ADNP2: variants seen among roughly 807,000 people sequenced by gnomAD.
The protein encoded by ADNP2 is activity-dependent neuroprotector homeobox protein 2.
A neutral mutation model predicts 16.4 loss-of-function variants in ADNP2; 8 were observed. The ratio of observed to expected loss-of-function variants is 0.49; its 90% CI spans 0.29 to 0.88. The LOEUF (loss-of-function observed/expected upper bound fraction) is 0.88. Among genes scored for constraint, ADNP2 ranks in the 40% least tolerant of loss-of-function variants. The pLI is 0.09. For synonymous variants in ADNP2, 637 were observed against 545.8 expected, an observed-to-expected ratio of 1.17 and a Z score of -2.33; for missense variants, 1,397 against 1,395.1, an observed-to-expected ratio of 1.00 and a Z score of -0.02.
Position 80,135,984 on chromosome 18 carries a change from A to G in ADNP2, c.571A>G (p.Thr191Ala), listed in dbSNP as rs367684729. 14 of 1,614,148 alleles carry G rather than the reference A, an allele frequency of 8.7e-6. No homozygotes were observed. Among genetic ancestry groups the G allele is most frequent in the Non-Finnish European group, 1.1e-5 (13 of 1,180,056 alleles). Residue 191 changes from threonine (T) to alanine (A), a missense_variant, in exon 4 of 4, where the codon ACT becomes GCT. By Grantham distance (58) the Thr-to-Ala change is moderately conservative (BLOSUM62 0). This residue lies in a region of ADNP2 where 777 missense variants were observed against 719.4 expected (regional missense o/e 1.08). Transcript: ENST00000262198. Reference sequence around the variant, plus strand: ...AATTAACTCCTACTTTGGCCTAAGAACTGAGGAAATGGGTGAGCAACCGAA... The same window carrying G: ...AATTAACTCCTACTTTGGCCTAAGAGCTGAGGAAATGGGTGAGCAACCGAA... Reference protein sequence around the residue: ...YLINSYFGLRTEEMGEQPKTN... With the variant: ...YLINSYFGLRAEEMGEQPKTN...
Position 80,135,872 on chromosome 18 carries a change from A to T in ADNP2, c.459A>T (p.Ile153=). 3 of 1,614,252 alleles carry T rather than the reference A, an allele frequency of 1.9e-6. No individual in the cohort carries two copies. The South Asian group carries it at 3.3e-5, about 18-fold the overall frequency. Residue 153 remains isoleucine, a synonymous_variant, in exon 4 of 4, where the codon ATA becomes ATT. Transcript: ENST00000262198. ...GETKSSRSDV[I]SFTCLKCNFS... is the part of the protein sequence containing the mutation. ...CTAAATCATCTAGGAGCGATGTGAT[A>T]AGTTTCACATGTCTAAAATGTAACT...
At chr18:80,124,843 G>A (rs902271382) in intron 2 of ADNP2, among the ~76,000 whole-genome samples, 6 of 152,084 alleles carry the variant, frequency 3.9e-5, no homozygotes, top group African/African-American at 1.4e-4. Context: ...AATGGTTTAT[G>A]CGTGAGTCTT....
Position 80,139,732 on chromosome 18 carries a change from C to T in ADNP2, c.*923C>T, listed in dbSNP as rs2052568768. ...GATACTCAGGAATAAGATTATTGCC[C>T]CTGAGTGTGAAAACTAACTTAAATT... On this transcript the variant is annotated 3_prime_UTR_variant, in exon 4 of 4. Transcript: ENST00000262198. The T allele has an allele frequency of 1.3e-5, 2 of 152,268 alleles. No homozygotes were observed. 9.4% of individuals were successfully genotyped at this position (152,268 alleles called of 1,614,324 possible).
Position 80,138,331 on chromosome 18 carries a change from G to A in ADNP2, c.2918G>A (p.Ser973Asn), listed in dbSNP as rs2052557039. 1.9e-6 allele frequency: 3 copies of A among 1,613,996 alleles called. No individual in the cohort carries two copies. Among genetic ancestry groups the A allele is most frequent in the Non-Finnish European group, 2.5e-6 (3 of 1,180,046 alleles). Reference sequence around the variant, plus strand: ...AGTGGTGAAGTGATGCATGATTCCAGTTTTTCTGTTAAGAGAAAGCTGCCT... The same window carrying A: ...AGTGGTGAAGTGATGCATGATTCCAATTTTTCTGTTAAGAGAAAGCTGCCT... ...LVSGEVMHDSSFSVKRKLPDG... is the reference protein window; with the variant it reads ...LVSGEVMHDSNFSVKRKLPDG... Residue 973 changes from serine to asparagine, a missense_variant, in exon 4 of 4, where the codon AGT becomes AAT. This residue lies in a region of ADNP2 where 611 missense variants were observed against 648.7 expected (regional missense o/e 0.94). Coordinates refer to ENST00000262198, the MANE Select transcript of ADNP2 (RefSeq NM_014913.4).
chr18:80,130,186 C>G (rs2052487172), intron 2 of ADNP2, among the ~76,000 whole-genome samples: 1 of 152,170 alleles, frequency 6.6e-6, no homozygotes, highest in South Asian at 2.1e-4. Context: ...GTGCTTTTGT[C>G]ATGACCCCTC....
rs1437152279 is a variant in ADNP2, at chr18:80,135,666, C to T, written c.253C>T (p.Leu85Phe). Residue 85 changes from leucine (L) to phenylalanine (F), a missense_variant, in exon 4 of 4, where the codon CTT becomes TTT. By Grantham distance (22) the Leu-to-Phe change is conservative. Transcript: ENST00000262198. ...CGLCKYSTKV[L>F]TSFKNHLHRY... ...CCTCTGTAAATACTCTACAAAGGTG[C>T]TTACTTCATTCAAGAATCATTTACA... is the stretch of plus-strand genomic sequence containing the variant. The T allele has an allele frequency of 6.2e-6, 10 of 1,614,066 alleles. No homozygotes were observed. The highest frequency in any genetic ancestry group is 8.5e-6 in the Non-Finnish European group (10 of 1,180,034).
At chr18:80,120,340 T>C (rs948006580) in intron 2 of ADNP2, among the ~76,000 whole-genome samples, 11 of 151,418 alleles carry the variant, frequency 7.3e-5, no homozygotes, top group African/African-American at 2.2e-4. Flanking sequence ...TTTTCTTTTT[T>C]TTTTTTTTTG....
Position 80,136,894 on chromosome 18 carries a change from C to T in ADNP2, c.1481C>T (p.Pro494Leu), listed in dbSNP as rs745663476. Residue 494 changes from proline to leucine, a missense_variant, in exon 4 of 4, where the codon CCG becomes CTG. Physicochemically the swap from Pro to Leu is moderately conservative, Grantham distance 98. Around this residue, in one of 3 missense-constraint regions of ADNP2, gnomAD observed 777 missense variants for 719.4 expected, o/e 1.08. Coordinates refer to ENST00000262198, the MANE Select transcript of ADNP2 (RefSeq NM_014913.4). The part of the protein sequence containing the change: ...SGVLPVGQTA[P>L]SRVLPPGQTA... ...GTTCTCCCTGTGGGCCAGACAGCTC[C>T]GTCACGGGTTCTTCCCCCAGGCCAG... is the stretch of plus-strand genomic sequence containing the variant. 3.7e-5 allele frequency: 59 copies of T among 1,613,874 alleles called. No homozygotes were observed. Among genetic ancestry groups the T allele is most frequent in the South Asian group, 1.1e-4 (10 of 91,070 alleles).
chr18:80,129,627 A>T (rs1310456344), intron 2 of ADNP2, among the ~76,000 whole-genome samples: 1 of 151,124 alleles, frequency 6.6e-6, no homozygotes, highest in Non-Finnish European at 1.5e-5. Flanking sequence ...TTCTACTGAA[A>T]GGCCCAGTTG....
chr18:80,134,694 C>A (rs1443160298), intron 3 of ADNP2, among the ~76,000 whole-genome samples: 1 of 152,106 alleles, frequency 6.6e-6, no homozygotes, highest in Non-Finnish European at 1.5e-5. Flanking sequence ...TATGAATATG[C>A]TTTTAGGCCG....
chr18:80,131,649 T>C (rs1443554685), intron 2 of ADNP2, among the ~76,000 whole-genome samples: 3 of 151,966 alleles, frequency 2.0e-5, no homozygotes, highest in Non-Finnish European at 4.4e-5. Flanking sequence ...TATGTATACA[T>C]GTACCAATAC....
At chr18:80,134,912 A>G (rs2052522260) in intron 3 of ADNP2, among the ~76,000 whole-genome samples, 1 of 152,178 alleles carries the variant, frequency 6.6e-6, no homozygotes, top group Admixed American at 6.5e-5. Flanking sequence ...CTAGAAATAG[A>G]GGAAGTAGAA....
chr18:80,121,600 C>G (rs1177777759), intron 2 of ADNP2, among the ~76,000 whole-genome samples: 1 of 152,132 alleles, frequency 6.6e-6, no homozygotes, highest in African/African-American at 2.4e-5. Context: ...ATCTAAGAAT[C>G]CATTGCCAAG....
At chr18:80,112,480 G>T (rs2052364080) in intron 1 of ADNP2, among the ~76,000 whole-genome samples, 1 of 151,540 alleles carries the variant, frequency 6.6e-6, no homozygotes, top group Non-Finnish European at 1.5e-5. Flanking sequence ...TTTTTTAAAT[G>T]AAAAGGTATT....
rs1226132487 is a variant in ADNP2, at chr18:80,109,340, G to A, written c.-146G>A. 1 of 150,312 alleles carries A rather than the reference G, an allele frequency of 6.7e-6. No individual in the cohort carries two copies. Among genetic ancestry groups the A allele is most frequent in the Non-Finnish European group, 1.5e-5 (1 of 67,472 alleles). The allele number at this position is 150,312 out of a possible 1,614,324, so 9.3% of individuals were successfully genotyped here. ...CTGGGGGTGGGCGCGCGCTGAGGCG[G>A]GGGTCCCGCCGCGCGGGGCGGAGGC... On this transcript the variant is annotated 5_prime_UTR_variant, in exon 1 of 4. Coordinates refer to ENST00000262198, the MANE Select transcript of ADNP2 (RefSeq NM_014913.4).
At chr18:80,126,373 T>C (rs1167922294) in intron 2 of ADNP2, among the ~76,000 whole-genome samples, 1 of 152,224 alleles carries the variant, frequency 6.6e-6, no homozygotes, top group Admixed American at 6.5e-5. Flanking sequence ...TTGATGATAG[T>C]CTTCATCCCT....
chr18:80,137,339 G>C lies in ADNP2; in HGVS notation c.1926G>C (p.Gln642His). 6.2e-7 allele frequency: 1 copy of C among 1,613,960 alleles called. No individual in the cohort carries two copies. The highest frequency in any genetic ancestry group is 8.5e-7 in the Non-Finnish European group (1 of 1,179,930). Reference sequence around the variant, plus strand: ...TCGCTCCGCCCCAGATGCCCATCCAGCTCCTGCCGTCAGGTGCAGCTGCAC... The same window carrying C: ...TCGCTCCGCCCCAGATGCCCATCCACCTCCTGCCGTCAGGTGCAGCTGCAC... ...ATVAPPQMPI[Q>H]LLPSGAAAPM... Residue 642 changes from glutamine (Q) to histidine (H), a missense_variant, in exon 4 of 4, where the codon CAG (glutamine) becomes CAC (histidine). By Grantham distance (24) the Gln-to-His change is conservative. Transcript: ENST00000262198. The surrounding 1 kb of genome is among the most constrained non-coding windows in gnomAD (Gnocchi z 4.2).
chr18:80,131,528 G>A (rs1481660148), intron 2 of ADNP2, among the ~76,000 whole-genome samples: 1 of 151,094 alleles, frequency 6.6e-6, no homozygotes, highest in Non-Finnish European at 1.5e-5. Flanking sequence ...AACAATAGCG[G>A]TAAGGTATAG....
intron 1 of ADNP2, among the ~76,000 whole-genome samples, chr18:80,116,438 C>T (rs2052389811): frequency 6.6e-6 from 1 of 152,148 alleles, no homozygotes; most frequent in Non-Finnish European, 1.5e-5. Context: ...TTTTGTGGGA[C>T]AGCCAGACTG....
Sources: gnomAD v4.1 joint callset for allele counts (sites outside exome capture counted in the v4.1 genomes callset) on GRCh38, gnomAD v4.1.1 for gene constraint, gnomAD v4.1.1 regional missense constraint, Gnocchi (gnomAD v3.1) non-coding constraint, MANE v1.5 for transcripts, NCBI Gene and HGNC (gene_info 2026-07-23, HGNC 2026-07-21) for gene names.